LARP1: variants seen among roughly 807,000 people sequenced by gnomAD.
LARP1 encodes the protein La ribonucleoprotein 1, translational regulator, also known as la-related protein 1.
LARP1 carries 36 observed loss-of-function variants against 122.7 expected under a neutral mutation model. The observed-to-expected ratio is 0.29, with a 90% CI of 0.22 to 0.39. The LOEUF (loss-of-function observed/expected upper bound fraction) is 0.39. Among genes scored for constraint, LARP1 ranks in the 10% least tolerant of loss-of-function variants. LARP1 has a pLI of 1.00. For missense variants in LARP1, 1,040 were observed against 1,403.6 expected (o/e 0.74, Z 4.14); for synonymous variants, 539 against 528.7 (o/e 1.02, Z -0.27).
At chr5:154,798,606 A>G (rs1370390828) in intron 8 of LARP1, among the ~76,000 whole-genome samples, 2 of 151,860 alleles carry the variant, frequency 1.3e-5, no homozygotes, top group Non-Finnish European at 2.9e-5. Context: ...GCTCACTGCA[A>G]CCTCAACCAT....
intron 1 of LARP1, among the ~76,000 whole-genome samples, chr5:154,723,995 C>T (rs1259246907): frequency 6.6e-6 from 1 of 152,172 alleles, no homozygotes; most frequent in East Asian, 1.9e-4. Flanking sequence ...CCCAACCCTG[C>T]CTTCATGGGT....
At chr5:154,792,932 G>A (rs1029320305) in intron 4 of LARP1, 136 bp downstream of exon 4, 2 of 782,870 alleles carry the variant, frequency 2.6e-6, no homozygotes, top group East Asian at 2.6e-5. Flanking sequence ...ATGTAGGCTG[G>A]TGAGATAGCA....
At chr5:154,698,106 G>C (rs1189378316) in intron 1 of LARP1, among the ~76,000 whole-genome samples, 1 of 151,904 alleles carries the variant, frequency 6.6e-6, no homozygotes, top group Non-Finnish European at 1.5e-5. Flanking sequence ...CGTACACTTT[G>C]TATTTTTGCT....
chr5:154,684,660 T>C (rs1753842246), intron 1 of LARP1, among the ~76,000 whole-genome samples: 2 of 152,194 alleles, frequency 1.3e-5, no homozygotes, highest in African/African-American at 4.8e-5. Context: ...CACAGTGGAC[T>C]TCACAGTGGA....
rs150070813 is a variant in LARP1, at chr5:154,802,210, C to T, written c.1920C>T (p.Val640=). The T allele has an allele frequency of 5.2e-4, 832 of 1,614,158 alleles. 4 individuals are homozygous for T. The highest frequency in any genetic ancestry group is 3.2e-5 in the Non-Finnish European group (38 of 1,180,030). ...ACTATGAGATTGATGACAGGGATGT[C>T]AACAAGATCCTCATTGTCACCCAGA... ...ESDYEIDDRD[V]NKILIVTQTP... Residue 640 remains valine (V), a synonymous_variant, in exon 11 of 19, where the codon GTC becomes GTT. Coordinates refer to ENST00000518297, the MANE Select transcript of LARP1 (RefSeq NM_033551.3). This position sits in a 1 kb window ranked among gnomAD's most constrained non-coding sequence, Gnocchi z 5.1.
chr5:154,694,457 A>G (rs1319010501), intron 1 of LARP1, among the ~76,000 whole-genome samples: 1 of 151,604 alleles, frequency 6.6e-6, no homozygotes, highest in African/African-American at 2.4e-5. Context: ...ATGACATCTC[A>G]CTACATTGCC....
chr5:154,764,811 A>G (rs1754787950), intron 1 of LARP1, among the ~76,000 whole-genome samples: 1 of 151,134 alleles, frequency 6.6e-6, no homozygotes. Context: ...AAGCTGAGGC[A>G]CAAGAATCGC....
At position 154,743,612 on chromosome 5, in the gene LARP1, AGTTT is replaced by A. The variant is rs372268029; in HGVS notation, c.205+30503_205+30506del. 3.9e-3 allele frequency among the ~76,000 whole-genome samples: 535 copies of A among 136,072 alleles called. 3 individuals are homozygous for A. The highest frequency in any genetic ancestry group is 0.014 in the African/African-American group (502 of 35,894). The allele number at this position is 136,072 out of a possible 152,430, so 89.3% of individuals were successfully genotyped here. On this transcript the variant is annotated intron_variant, in intron 1 of 18. Transcript: ENST00000336314. ...GAGTGAGCCACTGCTTCTGGCCTATAGTTTGTTTGTTTGTTTGTTTGTTTAGAGA... is the reference window on the plus strand; with the variant it reads ...GAGTGAGCCACTGCTTCTGGCCTATAGTTTGTTTGTTTGTTTGTTTAGAGA...
At chr5:154,721,654 A>G (rs993829906) in intron 1 of LARP1, among the ~76,000 whole-genome samples, 11 of 152,198 alleles carry the variant, frequency 7.2e-5, no homozygotes, top group Non-Finnish European at 1.0e-4. Flanking sequence ...CTGGAATTCA[A>G]CATCCTAGTT....
chr5:154,710,672 G>A (rs1755172570), upstream of LARP1, among the ~76,000 whole-genome samples: 2 of 150,414 alleles, frequency 1.3e-5, no homozygotes, highest in African/African-American at 4.9e-5. Flanking sequence ...GAACTCAGGA[G>A]GTGGAAGTTG....
intron 1 of LARP1, among the ~76,000 whole-genome samples, chr5:154,784,048 C>T (rs1756683126): frequency 6.6e-6 from 1 of 152,188 alleles, no homozygotes; most frequent in Admixed American, 6.5e-5. Context: ...CTCTGGGAGC[C>T]AGCAGTTTCT....
At chr5:154,713,004 AGCTGCCCTG>A (rs1441462320) in exon 1 of LARP1, 1 of 1,614,098 alleles carries the variant, frequency 6.2e-7, no homozygotes, top group Admixed American at 1.7e-5. Context: ...TCCCATACCT[AGCTGCCCTG>A]GCAGACTCCC....
At chr5:154,783,445 G>T (rs1473731314) in intron 1 of LARP1, among the ~76,000 whole-genome samples, 1 of 152,164 alleles carries the variant, frequency 6.6e-6, no homozygotes, top group Non-Finnish European at 1.5e-5. Flanking sequence ...GTTTTCCCCA[G>T]TATGTAGAAT....
intron 1 of LARP1, chr5:154,729,596 C>T (rs1174700353): frequency 2.4e-6 from 1 of 424,206 alleles, no homozygotes; most frequent in South Asian, 1.8e-5. Context: ...TACCTGGGTT[C>T]AGATGAAGCA....
rs114617613 is a variant in LARP1 at position 154,781,694 on chromosome 5, G to A, written c.437-8631G>A. Reference sequence around the variant, plus strand: ...TGTAAGGCAAGCTTGTCCAAAGGACGGCTTTGAATGCGTCCTGACACAAAT... The same window carrying A: ...TGTAAGGCAAGCTTGTCCAAAGGACAGCTTTGAATGCGTCCTGACACAAAT... On this transcript the variant is annotated intron_variant, in intron 1 of 18. Coordinates refer to ENST00000518297, the MANE Select transcript of LARP1 (RefSeq NM_033551.3). Among the ~76,000 whole-genome samples, 377 of 152,308 alleles carry A rather than the reference G, an allele frequency of 2.5e-3. 2 individuals are homozygous for A. The highest frequency in any genetic ancestry group is 8.4e-3 in the African/African-American group (350 of 41,568).
intron 18 of LARP1, 68 bp downstream of exon 18, chr5:154,811,708 T>G: frequency 1.3e-6 from 2 of 1,590,740 alleles, no homozygotes; most frequent in Middle Eastern, 1.7e-4. Context: ...TCAGGATACT[T>G]GGATTCTGGT....
chr5:154,803,501 C>T lies in LARP1; in HGVS notation c.2234-39C>T. ...GCTATCCTGGGGTGGATGCCACAGG[C>T]CTTTCCCTGCTTCCTGACTCCTCTC... is the stretch of plus-strand genomic sequence containing the variant. On this transcript the variant is annotated intron_variant, in intron 12 of 18. Transcript: ENST00000518297. This position sits in a 1 kb window ranked among gnomAD's most constrained non-coding sequence, Gnocchi z 4.4. 3 of 1,613,872 alleles carry T rather than the reference C, an allele frequency of 1.9e-6. No homozygotes were observed. Among genetic ancestry groups the T allele is most frequent in the Non-Finnish European group, 2.5e-6 (3 of 1,179,838 alleles).
At chr5:154,806,438 G>A (rs1250189772) in intron 15 of LARP1, among the ~76,000 whole-genome samples, 2 of 152,146 alleles carry the variant, frequency 1.3e-5, no homozygotes, top group Admixed American at 6.5e-5. Context: ...CCAGTATTCT[G>A]TTTTCGTATG....
intron 1 of LARP1, among the ~76,000 whole-genome samples, chr5:154,714,143 C>T (rs1755363537): frequency 6.6e-6 from 1 of 152,166 alleles, no homozygotes; most frequent in Non-Finnish European, 1.5e-5. Flanking sequence ...TATGACCAAA[C>T]AAAGTCTGTT....
Sources: gnomAD v4.1 joint callset for allele counts (sites outside exome capture counted in the v4.1 genomes callset) on GRCh38, gnomAD v4.1.1 for gene constraint, Gnocchi (gnomAD v3.1) non-coding constraint, MANE v1.5 for transcripts, NCBI Gene and HGNC (gene_info 2026-07-23, HGNC 2026-07-21) for gene names.